KIAA1217: variants seen among roughly 807,000 people sequenced by gnomAD.
KIAA1217 encodes sickle tail protein homolog.
Under a neutral mutation model 163.9 loss-of-function variants are expected in KIAA1217, and 88 were observed. The observed-to-expected ratio is 0.54, with a 90% CI of 0.45 to 0.64. KIAA1217 has a LOEUF of 0.64. KIAA1217 is among the 30% of genes least tolerant of loss of function. The pLI, the probability that KIAA1217 is intolerant of heterozygous loss-of-function variation, is 0.00. For missense variants in KIAA1217, 2,372 were observed against 2,475.0 expected (o/e 0.96, Z 0.88); for synonymous variants, 903 against 923.1 (o/e 0.98, Z 0.39).
chr10:24,377,711 A>C (rs1452895322), intron 2 of KIAA1217, among the ~76,000 whole-genome samples: 2 of 152,190 alleles, frequency 1.3e-5, no homozygotes, highest in Non-Finnish European at 2.9e-5. Context: ...TTCTTTAGAA[A>C]TTTTCATCTA....
At chr10:24,489,964 G>T (rs992905199) in intron 6 of KIAA1217, among the ~76,000 whole-genome samples, 1 of 151,384 alleles carries the variant, frequency 6.6e-6, no homozygotes, top group Non-Finnish European at 1.5e-5. Flanking sequence ...TGTTCCAAAG[G>T]CAGAACAGAC....
intron 1 of KIAA1217, among the ~76,000 whole-genome samples, chr10:23,927,795 G>A (rs762081225): frequency 1.2e-4 from 19 of 152,126 alleles, no homozygotes; most frequent in Non-Finnish European, 1.8e-4. Context: ...TCAGGCCTCC[G>A]GAGACAGTAA....
Position 24,243,705 on chromosome 10 carries a change from G to A in KIAA1217, c.354+23796G>A, listed in dbSNP as rs114449186. On this transcript the variant is annotated intron_variant, in intron 2 of 20. Coordinates refer to ENST00000376454, the MANE Select transcript of KIAA1217 (RefSeq NM_019590.5). ...AATATTCATATGTATGAATACATAC[G>A]AATGAATATATATGTGTGTTTGTGT... Among the ~76,000 whole-genome samples the A allele has an allele frequency of 5.7e-3, 859 of 150,442 alleles. 7 individuals carry two copies. The highest frequency in any genetic ancestry group is 0.019 in the African/African-American group (779 of 40,886).
chr10:23,951,675 TTCTG>T (rs1844343452), intron 1 of KIAA1217, among the ~76,000 whole-genome samples: 1 of 152,094 alleles, frequency 6.6e-6, no homozygotes, highest in African/African-American at 2.4e-5. Flanking sequence ...TCCAGCTCAG[TTCTG>T]TCTGTGTCCA....
At chr10:24,218,103 C>T (rs544036134) in intron 1 of KIAA1217, among the ~76,000 whole-genome samples, 7 of 152,292 alleles carry the variant, frequency 4.6e-5, no homozygotes, top group Non-Finnish European at 1.0e-4. Context: ...AAGAGCCTGA[C>T]TTCATGAAGA....
intron 1 of KIAA1217, among the ~76,000 whole-genome samples, chr10:23,722,733 T>G (rs1837936886): frequency 6.6e-6 from 1 of 152,192 alleles, no homozygotes; most frequent in Non-Finnish European, 1.5e-5. Flanking sequence ...CTCAAAGAAG[T>G]ACCTTGTTCC....
chr10:24,165,560 G>T (rs1248195097), intron 2 of KIAA1217, among the ~76,000 whole-genome samples: 2 of 152,256 alleles, frequency 1.3e-5, no homozygotes, highest in Non-Finnish European at 2.9e-5. Context: ...TACCCATGGG[G>T]TATACCCTGA....
At chr10:23,913,442 C>A (rs1842516796) in intron 1 of KIAA1217, among the ~76,000 whole-genome samples, 1 of 151,852 alleles carries the variant, frequency 6.6e-6, no homozygotes, top group African/African-American at 2.4e-5. Flanking sequence ...AAGATGCTCT[C>A]CTTTTTTGTC....
intron 1 of KIAA1217, among the ~76,000 whole-genome samples, chr10:23,766,268 GA>G (rs150742068): frequency 0.051 from 7,728 of 152,244 alleles, 295 homozygotes; most frequent in Middle Eastern, 0.099. Context: ...AGCAAAAATT[GA>G]TTTTTGTTTT....
intron 1 of KIAA1217, among the ~76,000 whole-genome samples, chr10:23,820,114 G>A (rs2131010126): frequency 6.6e-6 from 1 of 152,198 alleles, no homozygotes; most frequent in Admixed American, 6.5e-5. Context: ...TTGGGGGGAG[G>A]ACCACAAAGC....
intron 1 of KIAA1217, among the ~76,000 whole-genome samples, chr10:23,987,595 ATTC>A (rs1846036471): frequency 7.0e-6 from 1 of 142,802 alleles, no homozygotes; most frequent in Non-Finnish European, 1.5e-5. Context: ...ATTACCTCAC[ATTC>A]TTATTTGTGT....
At chr10:23,702,192 G>C (rs530649376) in intron 1 of KIAA1217, among the ~76,000 whole-genome samples, 3 of 151,726 alleles carry the variant, frequency 2.0e-5, no homozygotes, top group Non-Finnish European at 4.4e-5. Context: ...AACTGTAAAA[G>C]AGATGCAGAC....
At chr10:24,088,274 T>TATATATATAC (rs1285415158) in intron 2 of KIAA1217, among the ~76,000 whole-genome samples, 2 of 107,246 alleles carry the variant, frequency 1.9e-5, no homozygotes, top group African/African-American at 6.2e-5. Flanking sequence ...TATATATATA[T>TATATATATAC]ACACACATAT....
chr10:23,785,501 A>G (rs1588799763), intron 1 of KIAA1217, among the ~76,000 whole-genome samples: 1 of 152,166 alleles, frequency 6.6e-6, no homozygotes, highest in African/African-American at 2.4e-5. Flanking sequence ...GTGTTCATCT[A>G]TTTTATTTTT....
At chr10:24,203,831 GT>G (rs1396137841), upstream of KIAA1217, among the ~76,000 whole-genome samples, 3 of 152,100 alleles carry the variant, frequency 2.0e-5, no homozygotes, top group Non-Finnish European at 4.4e-5. Context: ...GCAGATACAT[GT>G]TACACTTTTC....
rs1171592422 is a variant in KIAA1217 at position 23,811,054 on chromosome 10, ATT to A, written c.-321+115821_-321+115822del. 2.2e-4 allele frequency among the ~76,000 whole-genome samples: 28 copies of A among 128,904 alleles called. 1 individual carries two copies. The highest frequency in any genetic ancestry group is 8.0e-4 in the African/African-American group (27 of 33,902). 84.6% of individuals were successfully genotyped at this position (128,904 alleles called of 152,430 possible). ...GATATGTATACAATATATAATATAT[ATT>A]GTTAATCTCTATATATAATACATAG... On this transcript the variant is annotated intron_variant, in intron 1 of 18. Coordinates refer to the KIAA1217 transcript ENST00000376462.
At chr10:24,127,973 A>G (rs2063524471) in intron 2 of KIAA1217, among the ~76,000 whole-genome samples, 1 of 152,192 alleles carries the variant, frequency 6.6e-6, no homozygotes, top group African/African-American at 2.4e-5. Context: ...AAAGAACAAT[A>G]TTGCAAATAT....
At chr10:24,364,967 T>C (rs1477431958) in intron 2 of KIAA1217, among the ~76,000 whole-genome samples, 2 of 151,868 alleles carry the variant, frequency 1.3e-5, no homozygotes, top group Non-Finnish European at 1.5e-5. Flanking sequence ...CCAAGCTAAA[T>C]TTTTTCTTTC....
chr10:24,499,732 T>G (rs1187442321), intron 8 of KIAA1217, among the ~76,000 whole-genome samples: 2 of 151,812 alleles, frequency 1.3e-5, no homozygotes, highest in Non-Finnish European at 2.9e-5. Flanking sequence ...AGACTCTGTC[T>G]CAAAAAAAAG....
Sources: gnomAD v4.1 joint callset for allele counts (sites outside exome capture counted in the v4.1 genomes callset) on GRCh38, gnomAD v4.1.1 for gene constraint, MANE v1.5 for transcripts, NCBI Gene and HGNC (gene_info 2026-07-23, HGNC 2026-07-21) for gene names.